The following SPIRE1 variants were observed in gnomAD, a reference collection of about 807,000 sequenced individuals.
The protein encoded by SPIRE1 is spire type actin nucleation factor 1, also known as protein spire homolog 1.
SPIRE1 carries 40 observed loss-of-function variants against 94.1 expected under a neutral mutation model. The ratio of observed to expected loss-of-function variants is 0.43; its 90% CI spans 0.33 to 0.55. The LOEUF is 0.55. Among genes scored for constraint, SPIRE1 ranks in the 20% least tolerant of loss-of-function variants. SPIRE1 has a pLI of 0.06. For missense variants in SPIRE1, 838 were observed against 975.2 expected (o/e 0.86, Z 1.87); for synonymous variants, 376 against 371.7 (o/e 1.01, Z -0.13).
intron 12 of SPIRE1, among the ~76,000 whole-genome samples, chr18:12,457,424 T>C (rs1442818705): frequency 6.6e-6 from 1 of 152,238 alleles, no homozygotes; most frequent in Non-Finnish European, 1.5e-5. Flanking sequence ...CACTCTGGAA[T>C]GTGGAGGGCA....
At chr18:12,498,558 C>T (rs2033545007) in intron 6 of SPIRE1, among the ~76,000 whole-genome samples, 1 of 152,116 alleles carries the variant, frequency 6.6e-6, no homozygotes, top group South Asian at 2.1e-4. Flanking sequence ...CAACAAAAAA[C>T]TTCTAACACA....
intron 6 of SPIRE1, among the ~76,000 whole-genome samples, chr18:12,498,331 G>A (rs1328086748): frequency 6.6e-6 from 1 of 152,162 alleles, no homozygotes; most frequent in Non-Finnish European, 1.5e-5. Flanking sequence ...AACACAAATA[G>A]TAGATGCTTA....
intron 2 of SPIRE1, among the ~76,000 whole-genome samples, chr18:12,591,204 G>C (rs529450613): frequency 1.2e-4 from 18 of 152,318 alleles, no homozygotes; most frequent in African/African-American, 4.1e-4. Flanking sequence ...AAGGAGGTGA[G>C]AGGCTAAGTA....
At chr18:12,461,211 T>C (rs1421284598) in intron 12 of SPIRE1, among the ~76,000 whole-genome samples, 2 of 152,204 alleles carry the variant, frequency 1.3e-5, no homozygotes, top group Non-Finnish European at 2.9e-5. Flanking sequence ...TGAAACTACC[T>C]TGTAGCTAAG....
chr18:12,634,271 A>AAAT (rs71174116), intron 2 of SPIRE1, among the ~76,000 whole-genome samples: 4 of 147,754 alleles, frequency 2.7e-5, no homozygotes, highest in Admixed American at 6.8e-5. Context: ...AAAAAAAAAA[A>AAAT]AATAATAATA....
chr18:12,586,335 AG>A (rs1421948666), intron 2 of SPIRE1, among the ~76,000 whole-genome samples: 4 of 152,224 alleles, frequency 2.6e-5, no homozygotes, highest in Non-Finnish European at 5.9e-5. Flanking sequence ...ATCCTAAAAC[AG>A]TAAGTCTAAA....
chr18:12,456,449 A>G (rs1272866351), intron 12 of SPIRE1, among the ~76,000 whole-genome samples: 4 of 152,234 alleles, frequency 2.6e-5, no homozygotes, highest in Non-Finnish European at 4.4e-5. Flanking sequence ...AGTGATGAGT[A>G]TAAGTAGGGT....
chr18:12,470,239 C>T (rs2143670177), intron 10 of SPIRE1, among the ~76,000 whole-genome samples: 1 of 152,300 alleles, frequency 6.6e-6, no homozygotes, highest in East Asian at 1.9e-4. Flanking sequence ...TAATCTTATA[C>T]TGGCCACCAT....
At chr18:12,508,270 C>T (rs1458176982) in intron 5 of SPIRE1, among the ~76,000 whole-genome samples, 4 of 152,054 alleles carry the variant, frequency 2.6e-5, no homozygotes, top group Non-Finnish European at 4.4e-5. Flanking sequence ...TTTCTCAAAA[C>T]ATCCTCAATA....
chr18:12,610,391 G>A (rs2037105216), intron 2 of SPIRE1, among the ~76,000 whole-genome samples: 1 of 151,826 alleles, frequency 6.6e-6, no homozygotes, highest in Admixed American at 6.6e-5. Flanking sequence ...ACCCCATCAG[G>A]CCCTACCATC....
intron 2 of SPIRE1, among the ~76,000 whole-genome samples, chr18:12,582,348 G>GA (rs1343009539): frequency 2.0e-5 from 3 of 152,072 alleles, no homozygotes; most frequent in Non-Finnish European, 4.4e-5. Context: ...TTGAGAAAAG[G>GA]AAAAATTTAA....
chr18:12,642,660 G>T (rs2038118087), intron 1 of SPIRE1, among the ~76,000 whole-genome samples: 1 of 152,156 alleles, frequency 6.6e-6, no homozygotes, highest in African/African-American at 2.4e-5. Context: ...TACAGGATAG[G>T]AGGTGCCCAG....
intron 2 of SPIRE1, among the ~76,000 whole-genome samples, chr18:12,562,170 CA>C (rs2035705312): frequency 6.6e-6 from 1 of 152,206 alleles, no homozygotes; most frequent in African/African-American, 2.4e-5. Context: ...ATATCCTACC[CA>C]CATTTTCATC....
intron 10 of SPIRE1, among the ~76,000 whole-genome samples, chr18:12,475,876 C>T (rs748827349): frequency 1.3e-5 from 2 of 152,172 alleles, no homozygotes; most frequent in African/African-American, 2.4e-5. Context: ...GCACCCAGTC[C>T]GTACACCCTG....
intron 2 of SPIRE1, among the ~76,000 whole-genome samples, chr18:12,612,679 G>T (rs927576107): frequency 4.6e-5 from 7 of 152,254 alleles, no homozygotes; most frequent in African/African-American, 7.2e-5. Context: ...CACTTCTTTT[G>T]TGATCTGCTA....
intron 2 of SPIRE1, among the ~76,000 whole-genome samples, chr18:12,626,854 T>C (rs1421135757): frequency 1.4e-5 from 2 of 138,788 alleles, no homozygotes; most frequent in African/African-American, 2.6e-5. Flanking sequence ...ACTTGGAATA[T>C]AGTAAGCTGT....
intron 2 of SPIRE1, among the ~76,000 whole-genome samples, chr18:12,571,909 T>C (rs2035968359): frequency 6.6e-6 from 1 of 152,150 alleles, no homozygotes; most frequent in Non-Finnish European, 1.5e-5. Flanking sequence ...TATAACCATG[T>C]TAAACATTAC....
chr18:12,449,689 C>A lies in SPIRE1; in HGVS notation c.2220G>T (p.Ser740=), dbSNP rs372747655. The change falls in exon 17 of 17, where the codon TCG becomes TCT. Residue 740 remains serine, a synonymous_variant. Transcript: ENST00000409402. ...KRKTQSFYMS[S]PGPSEYCPSE... Reference sequence around the variant, plus strand: ...AAGGGCAGTACTCCGAGGGGCCTGGCGAGGACATGTAGAAAGACTGCGTTT... The same window carrying A: ...AAGGGCAGTACTCCGAGGGGCCTGGAGAGGACATGTAGAAAGACTGCGTTT... 6.2e-7 allele frequency: 1 copy of A among 1,614,134 alleles called. No homozygotes were observed. Among genetic ancestry groups the A allele is most frequent in the Admixed American group, 1.7e-5 (1 of 60,016 alleles).
intron 5 of SPIRE1, among the ~76,000 whole-genome samples, chr18:12,511,602 T>C (rs531958453): frequency 1.3e-5 from 2 of 152,302 alleles, no homozygotes; most frequent in Non-Finnish European, 2.9e-5. Flanking sequence ...CTCAGAGACA[T>C]TGGGGGTGGT....
Sources: gnomAD v4.1 joint callset for allele counts (sites outside exome capture counted in the v4.1 genomes callset) on GRCh38, gnomAD v4.1.1 for gene constraint, MANE v1.5 for transcripts, NCBI Gene and HGNC (gene_info 2026-07-23, HGNC 2026-07-21) for gene names.